DCT: variants seen among roughly 807,000 people sequenced by gnomAD.
DCT encodes the protein L-dopachrome tautomerase.
Under a neutral mutation model 53.0 loss-of-function variants are expected in DCT, and 47 were observed. The ratio of observed to expected loss-of-function variants is 0.89; its 90% confidence interval spans 0.70 to 1.13. The LOEUF (loss-of-function observed/expected upper bound fraction) is 1.13, where lower values mean the gene tolerates loss of function less well. Among genes scored for constraint, DCT ranks in the 50% most tolerant of loss-of-function variants. The pLI is 0.00. For synonymous variants in DCT, 244 were observed against 237.0 expected, an observed-to-expected ratio of 1.03 and a Z score of -0.27; for missense variants, 669 against 637.4, an observed-to-expected ratio of 1.05 and a Z score of -0.53.
chr13:94,477,662 A>G (rs1885183443), intron 1 of DCT, among the ~76,000 whole-genome samples: 1 of 151,444 alleles, frequency 6.6e-6, no homozygotes, highest in Admixed American at 6.6e-5. Flanking sequence ...GTTAAAATTA[A>G]AAAAAAAAAT....
At chr13:94,495,559 T>C in the DCT span, among the ~76,000 whole-genome samples, 1 of 152,208 alleles carries the variant, frequency 6.6e-6, no homozygotes, top group Non-Finnish European at 1.5e-5. Context: ...AAAGTTTAAA[T>C]TTTAGTGAAT....
chr13:94,440,105 A>G (rs369010850), intron 7 of DCT, 29 bp from the exon 8 acceptor site: 1 of 1,585,636 alleles, frequency 6.3e-7, no homozygotes, highest in Non-Finnish European at 8.6e-7. Context: ...GTCTACAATC[A>G]GGATTTTCAT....
the DCT span, among the ~76,000 whole-genome samples, chr13:94,533,182 T>A: frequency 6.9e-6 from 1 of 144,494 alleles, no homozygotes; most frequent in East Asian, 2.1e-4. Flanking sequence ...AACACCGTGG[T>A]TGAAAGAAAT....
the DCT span, among the ~76,000 whole-genome samples, chr13:94,522,152 A>C: frequency 6.6e-6 from 1 of 152,222 alleles, no homozygotes; most frequent in Non-Finnish European, 1.5e-5. Context: ...TGAAGGATGC[A>C]AAGTATTGAT....
chr13:94,518,108 G>GGGAA, the DCT span, among the ~76,000 whole-genome samples: 8,114 of 124,894 alleles, frequency 0.065, 271 homozygotes, highest in East Asian at 0.09. Flanking sequence ...GGGAAACGAA[G>GGGAA]GGAAGGAAGG....
chr13:94,496,842 C>T, the DCT span, among the ~76,000 whole-genome samples: 59 of 152,276 alleles, frequency 3.9e-4, no homozygotes, highest in Middle Eastern at 0.017. Flanking sequence ...GAAATAGTGT[C>T]TAGTGGGCTG....
At chr13:94,471,446 T>C (rs1238937935) in intron 1 of DCT, among the ~76,000 whole-genome samples, 1 of 152,198 alleles carries the variant, frequency 6.6e-6, no homozygotes. Context: ...TTTGAATAGT[T>C]TAAGTTAAAC....
intron 5 of DCT, among the ~76,000 whole-genome samples, chr13:94,460,784 T>C (rs1434385771): frequency 6.6e-6 from 1 of 151,814 alleles, no homozygotes; most frequent in Non-Finnish European, 1.5e-5. Flanking sequence ...AAGAAAAAAA[T>C]TTTCTACCAC....
the DCT span, among the ~76,000 whole-genome samples, chr13:94,491,664 G>A: frequency 3.3e-5 from 5 of 152,312 alleles, no homozygotes; most frequent in South Asian, 1.0e-3. Flanking sequence ...GTTGGTATGG[G>A]TCATGCTGTA....
chr13:94,446,758 C>T (rs1375689752), intron 6 of DCT, among the ~76,000 whole-genome samples: 4 of 152,128 alleles, frequency 2.6e-5, no homozygotes, highest in African/African-American at 7.2e-5. Flanking sequence ...CCTACCTTCT[C>T]GGGCCTTGCT....
chr13:94,450,581 C>T (rs1883015502), intron 6 of DCT, among the ~76,000 whole-genome samples: 1 of 150,714 alleles, frequency 6.6e-6, no homozygotes, highest in Non-Finnish European at 1.5e-5. Flanking sequence ...AGCACACATA[C>T]AAAAAAAAAT....
At chr13:94,492,091 T>C in the DCT span, among the ~76,000 whole-genome samples, 7 of 152,112 alleles carry the variant, frequency 4.6e-5, no homozygotes, top group Non-Finnish European at 8.8e-5. Flanking sequence ...TATGGACACG[T>C]TTTTCTCCCC....
chr13:94,549,372 GGTC>G, the DCT span, among the ~76,000 whole-genome samples: 1 of 152,214 alleles, frequency 6.6e-6, no homozygotes, highest in Non-Finnish European at 1.5e-5. Context: ...CCGCGGCCCG[GGTC>G]GTTCGCGTCT....
At chr13:94,516,291 G>C in the DCT span, among the ~76,000 whole-genome samples, 1 of 152,176 alleles carries the variant, frequency 6.6e-6, no homozygotes, top group South Asian at 2.1e-4. Context: ...ATTAAGGCTT[G>C]AGGAGGAAAG....
rs1884145075 is a variant in DCT, at chr13:94,465,735, C to T, written c.761G>A (p.Cys254Tyr). 3 of 1,613,002 alleles carry T rather than the reference C, an allele frequency of 1.9e-6. No individual in the cohort carries two copies. Among genetic ancestry groups the T allele is most frequent in the Non-Finnish European group, 2.5e-6 (3 of 1,179,576 alleles). Residue 254 changes from cysteine to tyrosine, a missense_variant, in exon 4 of 8, where the codon TGT becomes TAT. Transcript: ENST00000377028. ...AAACAGCTGGTCTGTACACACATCA[C>T]ACTCGTTCCTCCCAGTGGCAAAGTT... ...YWNFATGRNECDVCTDQLFGA... is the reference protein window; with the variant it reads ...YWNFATGRNEYDVCTDQLFGA...
the DCT span, among the ~76,000 whole-genome samples, chr13:94,485,640 A>C: frequency 3.9e-5 from 6 of 152,308 alleles, no homozygotes; most frequent in Admixed American, 3.9e-4. Context: ...TTCCTAATAA[A>C]GGCAGGTCAC....
At chr13:94,456,026 G>T (rs1057086126) in intron 6 of DCT, among the ~76,000 whole-genome samples, 5 of 152,172 alleles carry the variant, frequency 3.3e-5, no homozygotes, top group African/African-American at 1.2e-4. Context: ...CATAAGCTAT[G>T]GCTGAGACGA....
At chr13:94,496,446 G>A in the DCT span, among the ~76,000 whole-genome samples, 5 of 151,968 alleles carry the variant, frequency 3.3e-5, no homozygotes, top group Non-Finnish European at 4.4e-5. Context: ...TACCCACCTC[G>A]ACTTCCCAAA....
chr13:94,480,936 T>G (rs749275581), upstream of DCT, among the ~76,000 whole-genome samples: 2 of 152,224 alleles, frequency 1.3e-5, no homozygotes, highest in Non-Finnish European at 2.9e-5. Context: ...ATTTTCTCAC[T>G]GTTCTGAAGG....
Sources: allele counts gnomAD v4.1 joint callset (sites outside exome capture counted in the v4.1 genomes callset), GRCh38; gene constraint gnomAD v4.1.1; transcripts MANE v1.5; gene names NCBI Gene and HGNC (gene_info 2026-07-23, HGNC 2026-07-21).